The following ABCB4 variants were observed in gnomAD, a reference collection of about 807,000 sequenced individuals.
ABCB4 encodes phosphatidylcholine translocator ABCB4.
A neutral mutation model predicts 145.7 loss-of-function variants in ABCB4; 76 were observed. The observed-to-expected ratio is 0.52, with a 90% CI of 0.43 to 0.63. The LOEUF is 0.63. Among genes scored for constraint, ABCB4 ranks in the 30% least tolerant of loss-of-function variants. The pLI, the probability that ABCB4 is intolerant of heterozygous loss-of-function variation, is 0.00. For missense variants in ABCB4, 1,234 were observed against 1,553.1 expected (o/e 0.79, Z 3.45); for synonymous variants, 517 against 566.8 (o/e 0.91, Z 1.25).
chr7:87,462,652 T>C (rs2116897096), intron 4 of ABCB4, 106 bp downstream of exon 4: 4 of 1,074,920 alleles, frequency 3.7e-6, no homozygotes, highest in South Asian at 1.3e-5. Flanking sequence ...CAACCAGATA[T>C]CCAAATCATT....
chr7:87,469,361 G>A (rs1294883191), intron 3 of ABCB4, among the ~76,000 whole-genome samples: 1 of 152,198 alleles, frequency 6.6e-6, no homozygotes, highest in Non-Finnish European at 1.5e-5. Context: ...AGTGTTGGAA[G>A]TTCTGGCCAG....
intron 12 of ABCB4, among the ~76,000 whole-genome samples, chr7:87,441,804 G>T (rs950195617): frequency 1.3e-5 from 2 of 152,076 alleles, no homozygotes; most frequent in African/African-American, 4.8e-5. Flanking sequence ...CTCATTAGTT[G>T]CCCAGGATGA....
At position 87,401,975 on chromosome 7, in the gene ABCB4, T is replaced by G. The variant is rs1005756910; in HGVS notation, c.*121A>C. On this transcript the variant is annotated 3_prime_UTR_variant, in exon 28 of 28. Coordinates refer to ENST00000649586, the MANE Select transcript of ABCB4 (RefSeq NM_000443.4). ...AAACCCCAAATTGGGTCTTCTAAAT[T>G]GATCTAGAATGAGACAGACATACCT... is the stretch of plus-strand genomic sequence containing the variant. 7.3e-7 allele frequency: 1 copy of G among 1,364,692 alleles called. No homozygotes were observed. The highest frequency in any genetic ancestry group is 1.0e-6 in the Non-Finnish European group (1 of 980,878). 84.5% of individuals were successfully genotyped at this position (1,364,692 alleles called of 1,614,324 possible). A position where few individuals can be genotyped will look rare whatever the true frequency, so the allele number is the denominator to read the frequency against.
intron 12 of ABCB4, among the ~76,000 whole-genome samples, chr7:87,441,624 C>T (rs912938958): frequency 3.3e-5 from 5 of 151,422 alleles, no homozygotes; most frequent in African/African-American, 1.2e-4. Context: ...TTCTGTCACT[C>T]AGGCTTTGGA....
Position 87,408,186 on chromosome 7 carries a change from G to A in ABCB4, c.3130C>T (p.Pro1044Ser), listed in dbSNP as rs144852385. Residue 1044 changes from proline (P) to serine (S), a missense_variant, in exon 25 of 28, where the codon CCC becomes TCC. By Grantham distance (74) the Pro-to-Ser change is moderately conservative. Transcript: ENST00000649586. ...ITFNEVVFNY[P>S]TRANVPVLQG... is the part of the protein sequence containing the mutation. ...AGCACTGGCACGTTTGCTCGGGTGG[G>A]ATAGTTGAACACGACTTCATTAAAT... 2.5e-6 allele frequency: 4 copies of A among 1,614,176 alleles called. No individual in the cohort carries two copies. The highest frequency in any genetic ancestry group is 3.3e-5 in the Admixed American group (2 of 60,022).
the ABCB4 span, among the ~76,000 whole-genome samples, chr7:87,394,236 A>G: frequency 9.2e-5 from 14 of 152,338 alleles, no homozygotes. Flanking sequence ...AAGAGTTGCA[A>G]GTATCTCCTT....
At chr7:87,387,072 C>CT in the ABCB4 span, among the ~76,000 whole-genome samples, 6 of 151,742 alleles carry the variant, frequency 4.0e-5, no homozygotes, top group Non-Finnish European at 7.4e-5. Flanking sequence ...TGGTCTGTTT[C>CT]TCTTACCTTC....
chr7:87,371,430 A>ATT, the ABCB4 span, among the ~76,000 whole-genome samples: 1 of 152,164 alleles, frequency 6.6e-6, no homozygotes, highest in Non-Finnish European at 1.5e-5. Flanking sequence ...TGATGTGACC[A>ATT]TTTCTTTATG....
downstream of ABCB4, among the ~76,000 whole-genome samples, chr7:87,400,575 A>C (rs1807737998): frequency 6.6e-6 from 1 of 152,198 alleles, no homozygotes; most frequent in African/African-American, 2.4e-5. Flanking sequence ...TTTTCCCCTC[A>C]TTCTAATGCA....
chr7:87,393,375 A>G, the ABCB4 span, among the ~76,000 whole-genome samples: 1 of 152,228 alleles, frequency 6.6e-6, no homozygotes, highest in Non-Finnish European at 1.5e-5. Context: ...AAGGTATTTT[A>G]TAATAAGCTC....
At position 87,472,649 on chromosome 7, in the gene ABCB4, G is replaced by A. The variant is rs760848442; in HGVS notation, c.107C>T (p.Thr36Ile). The A allele has an allele frequency of 5.6e-6, 9 of 1,609,098 alleles. No individual in the cohort carries two copies. Among genetic ancestry groups the A allele is most frequent in the Non-Finnish European group, 7.7e-6 (9 of 1,175,716 alleles). The change falls in exon 3 of 28, where the codon ACA becomes ATA. Residue 36 changes from threonine to isoleucine, a missense_variant. By Grantham distance (89) the Thr-to-Ile change is moderately conservative (BLOSUM62 -1). This residue lies in a region of ABCB4 where 77 missense variants were observed against 73.3 expected (regional missense o/e 1.05). Transcript: ENST00000649586. ...TGTTAATACTCCAATCATTTTCACTGTCTTCGTTTTTTTCCTTTTTTGTTT... is the reference window on the plus strand; with the variant it reads ...TGTTAATACTCCAATCATTTTCACTATCTTCGTTTTTTTCCTTTTTTGTTT... ...SSKQKRKKTK[T>I]VKMIGVLTLF...
chr7:87,396,479 T>C, the ABCB4 span, among the ~76,000 whole-genome samples: 3 of 152,172 alleles, frequency 2.0e-5, no homozygotes, highest in African/African-American at 7.2e-5. Flanking sequence ...CACTGGACCC[T>C]TCTATGATAG....
chr7:87,421,391 A>G (rs1809418185), intron 18 of ABCB4, among the ~76,000 whole-genome samples: 1 of 152,080 alleles, frequency 6.6e-6, no homozygotes, highest in African/African-American at 2.4e-5. Flanking sequence ...GGCCCCTGAA[A>G]CACATTTTCT....
chr7:87,414,049 T>C (rs1330032859), intron 21 of ABCB4, among the ~76,000 whole-genome samples: 1 of 152,172 alleles, frequency 6.6e-6, no homozygotes, highest in African/African-American at 2.4e-5. Context: ...CACAACCCCT[T>C]TGTGGCCTGG....
At chr7:87,415,348 T>C (rs62486547) in intron 21 of ABCB4, among the ~76,000 whole-genome samples, 1 of 151,712 alleles carries the variant, frequency 6.6e-6, no homozygotes, top group Non-Finnish European at 1.5e-5. Context: ...TCTTTTTAAA[T>C]AGTGATTTGG....
intron 3 of ABCB4, 65 bp from the exon 4 acceptor site, chr7:87,462,973 T>C (rs922636723): frequency 3.5e-6 from 5 of 1,439,720 alleles, no homozygotes; most frequent in Non-Finnish European, 4.8e-6. Context: ...CATAATTATA[T>C]ATTCTTTGGA....
At chr7:87,383,100 G>T in the ABCB4 span, among the ~76,000 whole-genome samples, 1 of 152,098 alleles carries the variant, frequency 6.6e-6, no homozygotes. Context: ...CATTTATTAC[G>T]TCTTCGTGTG....
At chr7:87,439,262 A>G (rs145939137) in intron 14 of ABCB4, among the ~76,000 whole-genome samples, 62 of 152,320 alleles carry the variant, frequency 4.1e-4, no homozygotes, top group African/African-American at 1.5e-3. Flanking sequence ...CTACATGAAT[A>G]GATAAAGATG....
intron 2 of ABCB4, 81 bp downstream of exon 2, chr7:87,475,305 T>A (rs957747111): frequency 6.4e-7 from 1 of 1,566,578 alleles, no homozygotes; most frequent in Admixed American, 1.7e-5. Flanking sequence ...ATCAACCGAT[T>A]TTTACAACTT....
Sources: gnomAD v4.1 joint callset for allele counts (sites outside exome capture counted in the v4.1 genomes callset) on GRCh38, gnomAD v4.1.1 for gene constraint, gnomAD v4.1.1 regional missense constraint, MANE v1.5 for transcripts, NCBI Gene and HGNC (gene_info 2026-07-23, HGNC 2026-07-21) for gene names.